Variants in PDE4D observed in about 807,000 individuals in gnomAD.
PDE4D encodes the protein 3',5'-cyclic-AMP phosphodiesterase 4D.
PDE4D carries 24 observed loss-of-function variants against 87.4 expected under a neutral mutation model. That is an observed-to-expected ratio of 0.27 (90% CI 0.20 to 0.39). The LOEUF (loss-of-function observed/expected upper bound fraction) is 0.39. Ranked by LOEUF, PDE4D falls within the 10% of genes least tolerant of loss-of-function variation. The pLI, the probability that PDE4D is intolerant of heterozygous loss-of-function variation, is 1.00. For synonymous variants in PDE4D, 384 were observed against 383.2 expected, an observed-to-expected ratio of 1.00 and a Z score of -0.02; for missense variants, 714 against 1,041.0, an observed-to-expected ratio of 0.69 and a Z score of 4.32.
intron 1 of PDE4D, among the ~76,000 whole-genome samples, chr5:59,426,880 G>T (rs2153629808): frequency 6.6e-6 from 1 of 151,904 alleles, no homozygotes; most frequent in African/African-American, 2.4e-5. Flanking sequence ...ATGAAATTTT[G>T]TGCTTCTATC....
In PDE4D at chr5:59,167,848, C is replaced by G. The variant is rs546601603; in HGVS notation, c.808+12747G>C. Among the ~76,000 whole-genome samples the G allele has an allele frequency of 1.2e-3, 179 of 152,078 alleles. 1 individual carries two copies. The highest frequency in any genetic ancestry group is 1.8e-3 in the Non-Finnish European group (124 of 68,008). Reference sequence around the variant, plus strand: ...TTTATTCATCCTTGGGTCCTTGGAGCCTAAGCATAGCCTTTCACATACTAG... The same window carrying G: ...TTTATTCATCCTTGGGTCCTTGGAGGCTAAGCATAGCCTTTCACATACTAG... On this transcript the variant is annotated intron_variant, in intron 5 of 14. Coordinates refer to ENST00000340635, the MANE Select transcript of PDE4D (RefSeq NM_001104631.2).
At chr5:60,438,265 A>C (rs886253342) in intron 1 of PDE4D, among the ~76,000 whole-genome samples, 3 of 152,108 alleles carry the variant, frequency 2.0e-5, no homozygotes, top group African/African-American at 7.2e-5. Context: ...GAGTAAAACT[A>C]GAGCACACAG....
intron 1 of PDE4D, among the ~76,000 whole-genome samples, chr5:60,275,092 C>CA (rs1249644871): frequency 6.6e-6 from 1 of 152,144 alleles, no homozygotes; most frequent in Non-Finnish European, 1.5e-5. Context: ...AACAAGTTTC[C>CA]AAGTGCTGCT....
chr5:59,916,125 T>C (rs769488867), intron 3 of PDE4D, among the ~76,000 whole-genome samples: 62 of 152,192 alleles, frequency 4.1e-4, no homozygotes, highest in Admixed American at 1.8e-3. Flanking sequence ...ATGCTTTTTT[T>C]CCTGAACTTT....
intron 1 of PDE4D, among the ~76,000 whole-genome samples, chr5:60,290,136 T>C (rs1046561424): frequency 6.6e-5 from 10 of 152,186 alleles, no homozygotes; most frequent in Non-Finnish European, 1.2e-4. Flanking sequence ...ACGGAACATA[T>C]GTGGATTCCA....
intron 3 of PDE4D, among the ~76,000 whole-genome samples, chr5:59,941,721 A>T (rs1757204087): frequency 6.6e-6 from 1 of 152,202 alleles, no homozygotes; most frequent in Admixed American, 6.5e-5. Flanking sequence ...CTCCCACTCT[A>T]GGAGCTTAGC....
At chr5:60,140,838 G>C (rs1321406361) in intron 2 of PDE4D, among the ~76,000 whole-genome samples, 3 of 152,104 alleles carry the variant, frequency 2.0e-5, no homozygotes, top group Admixed American at 6.6e-5. Context: ...TTCGAGAATA[G>C]TTTAAAAATT....
intron 1 of PDE4D, among the ~76,000 whole-genome samples, chr5:59,461,982 T>C (rs1200167365): frequency 6.6e-6 from 1 of 152,196 alleles, no homozygotes; most frequent in Non-Finnish European, 1.5e-5. Context: ...GATACTGGCC[T>C]ATGTGACTGG....
Position 59,114,675 on chromosome 5 carries a change from A to G in PDE4D, c.808+65920T>C, listed in dbSNP as rs373656192. On this transcript the variant is annotated intron_variant, in intron 5 of 14. Transcript: ENST00000340635. ...CCCAGGTCAAAGGAAGGGTGGGGGG[A>G]AAGGAAAAGAAAGAGTGTACGACCT... Among the ~76,000 whole-genome samples, 30 of 152,190 alleles carry G rather than the reference A, an allele frequency of 2.0e-4. No homozygotes were observed. The East Asian group carries it at 2.5e-3, about 13-fold the overall frequency.
chr5:59,390,645 A>G (rs924790765), intron 1 of PDE4D, among the ~76,000 whole-genome samples: 1 of 152,174 alleles, frequency 6.6e-6, no homozygotes, highest in African/African-American at 2.4e-5. Flanking sequence ...AATGTACAGC[A>G]AAGAGAAGAC....
intron 5 of PDE4D, among the ~76,000 whole-genome samples, chr5:59,126,789 C>G (rs747107718): frequency 6.6e-6 from 1 of 152,046 alleles, no homozygotes; most frequent in Non-Finnish European, 1.5e-5. Flanking sequence ...ATCAGATCAG[C>G]AAAAGATTTT....
chr5:59,362,921 C>G (rs1211465217), intron 1 of PDE4D, among the ~76,000 whole-genome samples: 9 of 152,140 alleles, frequency 5.9e-5, no homozygotes, highest in Non-Finnish European at 1.5e-5. Context: ...CAATATCTTG[C>G]TAAATCTGGT....
chr5:60,512,665 T>C (rs956483418), intron 1 of PDE4D, among the ~76,000 whole-genome samples: 3 of 152,168 alleles, frequency 2.0e-5, no homozygotes, highest in African/African-American at 7.2e-5. Flanking sequence ...TAGAATTCTA[T>C]ACCAAGTGAA....
intron 1 of PDE4D, among the ~76,000 whole-genome samples, chr5:59,343,803 C>T (rs1319062465): frequency 3.3e-5 from 5 of 151,976 alleles, no homozygotes; most frequent in African/African-American, 7.3e-5. Flanking sequence ...CACTCAATTT[C>T]GAATGAGAAG....
chr5:59,658,190 A>G (rs1744677877), intron 1 of PDE4D, among the ~76,000 whole-genome samples: 1 of 152,166 alleles, frequency 6.6e-6, no homozygotes, highest in Non-Finnish European at 1.5e-5. Context: ...AATATATCTT[A>G]TTTAATCCTT....
chr5:59,565,503 A>G (rs1356546772), intron 1 of PDE4D, among the ~76,000 whole-genome samples: 2 of 152,192 alleles, frequency 1.3e-5, no homozygotes, highest in African/African-American at 4.8e-5. Context: ...TGGATGACTG[A>G]GTAAAACCCT....
At chr5:59,892,896 CCACACACACACACACACA>C (rs70975348) in intron 1 of PDE4D, among the ~76,000 whole-genome samples, 11 of 143,886 alleles carry the variant, frequency 7.6e-5, no homozygotes, top group South Asian at 2.4e-4. Context: ...AGCGCGCGCA[CCACACACACACACACACA>C]CACACACACA....
intron 1 of PDE4D, among the ~76,000 whole-genome samples, chr5:59,494,276 G>T (rs1191806125): frequency 6.6e-6 from 1 of 152,132 alleles, no homozygotes; most frequent in African/African-American, 2.4e-5. Flanking sequence ...CTTTCTAGAA[G>T]TCGTATAGCC....
intron 1 of PDE4D, among the ~76,000 whole-genome samples, chr5:59,667,949 G>GT (rs1219690744): frequency 6.6e-6 from 1 of 152,202 alleles, no homozygotes; most frequent in East Asian, 1.9e-4. Context: ...CATACTTCCT[G>GT]TTTTTTTGCC....
Sources: gnomAD v4.1 joint callset for allele counts (sites outside exome capture counted in the v4.1 genomes callset) on GRCh38, gnomAD v4.1.1 for gene constraint, MANE v1.5 for transcripts, NCBI Gene and HGNC (gene_info 2026-07-23, HGNC 2026-07-21) for gene names.